Variants in FGD4 observed in about 807,000 individuals in gnomAD.
The protein encoded by FGD4 is FYVE, RhoGEF and PH domain-containing protein 4.
A neutral mutation model predicts 102.0 loss-of-function variants in FGD4; 42 were observed. The ratio of observed to expected loss-of-function variants is 0.41; its 90% confidence interval spans 0.32 to 0.53. The LOEUF (loss-of-function observed/expected upper bound fraction) is 0.53, where lower values mean the gene tolerates loss of function less well. Ranked by LOEUF, FGD4 falls within the 20% of genes least tolerant of loss-of-function variation. The pLI, the probability that FGD4 is intolerant of heterozygous loss-of-function variation, is 0.21. For synonymous variants in FGD4, 380 were observed against 375.7 expected (o/e 1.01, Z -0.13); for missense variants, 902 against 1,078.2 (o/e 0.84, Z 2.29).
intron 1 of FGD4, among the ~76,000 whole-genome samples, chr12:32,470,463 C>CTTTTTTT (rs551854980): frequency 5.2e-4 from 68 of 130,786 alleles, no homozygotes; most frequent in African/African-American, 7.5e-4. Flanking sequence ...TTTTCTTTTT[C>CTTTTTTT]TTTTTTTTTT....
In FGD4 at chr12:32,479,015, G is replaced by A. The variant is rs535814663; in HGVS notation, c.166+79056G>A. Among the ~76,000 whole-genome samples the A allele has an allele frequency of 2.2e-4, 34 of 152,230 alleles. 1 individual carries two copies. The South Asian group carries it at 3.7e-3, about 17-fold the overall frequency. On this transcript the variant is annotated intron_variant, in intron 1 of 16. Coordinates refer to ENST00000534526, the MANE Select transcript of FGD4 (RefSeq NM_001370298.3). ...CTGTATCTGCCCAACTTATAACTCC[G>A]TTTGCTTTGGGATATGCTAGATACT... is the stretch of plus-strand genomic sequence containing the variant.
At chr12:32,563,605 C>T (rs879055249) in intron 1 of FGD4, among the ~76,000 whole-genome samples, 2 of 152,058 alleles carry the variant, frequency 1.3e-5, no homozygotes, top group African/African-American at 2.4e-5. Flanking sequence ...GGGTGGCGGC[C>T]GGGCAGAGGC....
intron 1 of FGD4, among the ~76,000 whole-genome samples, chr12:32,497,106 T>C (rs1032493140): frequency 7.2e-5 from 11 of 152,180 alleles, no homozygotes; most frequent in African/African-American, 2.7e-4. Context: ...CTAGTCAATG[T>C]TGGTTGTTTT....
intron 1 of FGD4, among the ~76,000 whole-genome samples, chr12:32,486,747 G>A (rs10743796): frequency 0.33 from 49,886 of 151,962 alleles, 8,279 homozygotes; most frequent in East Asian, 0.45. Context: ...ACTTGACTAG[G>A]TACTTCTATC....
chr12:32,593,622 T>G (rs1323205379), intron 4 of FGD4, among the ~76,000 whole-genome samples: 1 of 152,194 alleles, frequency 6.6e-6, no homozygotes, highest in East Asian at 1.9e-4. Context: ...AGCTTCCTAT[T>G]TAAGATCCTG....
At chr12:32,431,695 C>T (rs1942050933) in intron 1 of FGD4, among the ~76,000 whole-genome samples, 1 of 151,550 alleles carries the variant, frequency 6.6e-6, no homozygotes, top group Non-Finnish European at 1.5e-5. Flanking sequence ...ATCACTTGAG[C>T]CTGGGAGGTG....
chr12:32,485,753 T>A (rs934951483), intron 1 of FGD4: 1 of 801,536 alleles, frequency 1.2e-6, no homozygotes, highest in Non-Finnish European at 1.5e-6. Context: ...CAAGACCTAT[T>A]TTTAAAGGGA....
intron 1 of FGD4, among the ~76,000 whole-genome samples, chr12:32,435,598 A>G (rs1591896227): frequency 6.6e-6 from 1 of 151,732 alleles, no homozygotes; most frequent in East Asian, 1.9e-4. Context: ...TCATTAGCGA[A>G]TATAATTTTG....
At chr12:32,617,102 C>A (rs529681721) in intron 10 of FGD4, among the ~76,000 whole-genome samples, 2 of 152,180 alleles carry the variant, frequency 1.3e-5, no homozygotes, top group African/African-American at 4.8e-5. Flanking sequence ...CAAACACTTA[C>A]CATTAAGCCC....
intron 11 of FGD4, among the ~76,000 whole-genome samples, chr12:32,622,532 T>TA (rs1243231357): frequency 6.6e-6 from 1 of 152,240 alleles, no homozygotes; most frequent in Non-Finnish European, 1.5e-5. Flanking sequence ...TTGCTCTAGT[T>TA]ATATTTATGC....
chr12:32,550,988 G>C (rs1943622672), intron 1 of FGD4, among the ~76,000 whole-genome samples: 1 of 152,112 alleles, frequency 6.6e-6, no homozygotes, highest in Non-Finnish European at 1.5e-5. Context: ...TTGAATAAGA[G>C]ATTCATACTT....
intron 1 of FGD4, among the ~76,000 whole-genome samples, chr12:32,542,332 A>G (rs1402406706): frequency 6.6e-6 from 1 of 152,264 alleles, no homozygotes; most frequent in East Asian, 1.9e-4. Context: ...AAACCAGCAA[A>G]GTAGTACAAA....
rs150151783 is a variant in FGD4, at chr12:32,542,471, T to C, written c.167-21666T>C. 6.1e-3 allele frequency among the ~76,000 whole-genome samples: 927 copies of C among 152,378 alleles called. 11 individuals are homozygous for C. The highest frequency in any genetic ancestry group is 0.021 in the African/African-American group (884 of 41,590). On this transcript the variant is annotated intron_variant, in intron 1 of 16. Transcript: ENST00000534526. ...AATTAAAAACAATTTTATTTGGTTT[T>C]AGCAGCCTCCTTGTGAAAACTTATG...
chr12:32,601,552 T>C, intron 6 of FGD4, 129 bp downstream of exon 6: 6 of 1,123,804 alleles, frequency 5.3e-6, no homozygotes, highest in Non-Finnish European at 7.4e-6. Flanking sequence ...CATTAAAGAC[T>C]ACTGATAGAA....
chr12:32,594,631 A>T (rs1433630433), intron 4 of FGD4, among the ~76,000 whole-genome samples: 1 of 152,270 alleles, frequency 6.6e-6, no homozygotes, highest in East Asian at 1.9e-4. Flanking sequence ...AAGGTTGGGG[A>T]CCTCTGGGTT....
At chr12:32,489,802 T>A (rs1944029258) in intron 1 of FGD4, among the ~76,000 whole-genome samples, 1 of 152,164 alleles carries the variant, frequency 6.6e-6, no homozygotes, top group Admixed American at 6.5e-5. Context: ...GGTTATTTTA[T>A]TTATATATTA....
intron 1 of FGD4, among the ~76,000 whole-genome samples, chr12:32,523,220 C>G (rs541858317): frequency 1.3e-5 from 2 of 152,252 alleles, no homozygotes; most frequent in Non-Finnish European, 2.9e-5. Flanking sequence ...TGGGAAGAAG[C>G]AAGGAGAGGC....
In FGD4 at chr12:32,408,009, T is replaced by G. The variant is rs143828216; in HGVS notation, c.166+8050T>G. Among the ~76,000 whole-genome samples the G allele has an allele frequency of 4.4e-4, 63 of 143,398 alleles. 1 individual carries two copies. In the East Asian group the frequency reaches 4.5e-3, roughly 10 times the overall value. 94.1% of individuals were successfully genotyped at this position (143,398 alleles called of 152,430 possible). On this transcript the variant is annotated intron_variant, in intron 1 of 16. Transcript: ENST00000534526. ...ATTTATTTATTTATTTATTTATTTA[T>G]TTAGTTTTGATAAAGAGCCTTGCTT...
intron 10 of FGD4, among the ~76,000 whole-genome samples, chr12:32,613,485 GCTCATAC>G (rs1360454303): frequency 6.6e-6 from 1 of 151,440 alleles, no homozygotes; most frequent in African/African-American, 2.5e-5. Flanking sequence ...AGGCACAGTG[GCTCATAC>G]CTCTAATACC....
Sources: allele counts gnomAD v4.1 joint callset (sites outside exome capture counted in the v4.1 genomes callset), GRCh38; gene constraint gnomAD v4.1.1; transcripts MANE v1.5; gene names NCBI Gene and HGNC (gene_info 2026-07-23, HGNC 2026-07-21).